NAALADL2: variants seen among roughly 807,000 people sequenced by gnomAD.
The protein encoded by NAALADL2 is inactive N-acetylated-alpha-linked acidic dipeptidase-like protein 2.
A neutral mutation model predicts 87.2 loss-of-function variants in NAALADL2; 76 were observed. The ratio of observed to expected loss-of-function variants is 0.87; its 90% CI spans 0.72 to 1.05. NAALADL2 has a LOEUF of 1.05. NAALADL2 is among the 50% of genes least tolerant of loss of function. The pLI is 0.00. For synonymous variants in NAALADL2, 354 were observed against 331.0 expected, an observed-to-expected ratio of 1.07 and a Z score of -0.75; for missense variants, 1,089 against 945.8, an observed-to-expected ratio of 1.15 and a Z score of -1.99.
chr3:175,491,139 CTT>C (rs921873470), intron 9 of NAALADL2, among the ~76,000 whole-genome samples: 2 of 140,844 alleles, frequency 1.4e-5, no homozygotes, highest in Admixed American at 7.2e-5. Flanking sequence ...ACATTTCTTT[CTT>C]TTTTTTTTTC....
At position 175,044,079 on chromosome 3, in the gene NAALADL2, C is replaced by A. The variant is rs183647517; in HGVS notation, c.44-52711C>A. 2.0e-3 allele frequency among the ~76,000 whole-genome samples: 298 copies of A among 151,896 alleles called. 1 individual carries two copies. The highest frequency in any genetic ancestry group is 3.4e-3 in the Non-Finnish European group (232 of 67,920). ...TCAATGTTTTATAGTTTTCATCATA[C>A]CTGTTTGGTTAAAATTATTCCTAAG... On this transcript the variant is annotated intron_variant, in intron 1 of 13. Coordinates refer to ENST00000454872, the MANE Select transcript of NAALADL2 (RefSeq NM_207015.3).
chr3:174,641,314 G>A (rs1723165612), intron 2 of NAALADL2, among the ~76,000 whole-genome samples: 1 of 152,186 alleles, frequency 6.6e-6, no homozygotes, highest in South Asian at 2.1e-4. Flanking sequence ...CGGAGGTTCA[G>A]CAGCTCCTGG....
intron 3 of NAALADL2, among the ~76,000 whole-genome samples, chr3:174,825,653 A>C (rs1167459052): frequency 6.6e-6 from 1 of 152,206 alleles, no homozygotes. Flanking sequence ...CATCACACCC[A>C]GTATGCCTTC....
intron 9 of NAALADL2, among the ~76,000 whole-genome samples, chr3:175,522,230 T>G (rs1732748300): frequency 6.6e-6 from 1 of 152,216 alleles, no homozygotes; most frequent in African/African-American, 2.4e-5. Flanking sequence ...TATATTGATT[T>G]ACTATTCTTC....
At chr3:175,108,035 G>C (rs759757000) in intron 2 of NAALADL2, among the ~76,000 whole-genome samples, 7 of 151,716 alleles carry the variant, frequency 4.6e-5, no homozygotes, top group Non-Finnish European at 8.8e-5. Flanking sequence ...TGCCTGATTT[G>C]GGAAATCAGT....
chr3:175,147,899 G>C (rs1291154112), intron 2 of NAALADL2, among the ~76,000 whole-genome samples: 1 of 151,636 alleles, frequency 6.6e-6, no homozygotes, highest in Non-Finnish European at 1.5e-5. Flanking sequence ...GTGAAACCTC[G>C]TCTCTTCTAA....
At chr3:174,720,664 C>T (rs1011099500) in intron 2 of NAALADL2, among the ~76,000 whole-genome samples, 3 of 152,026 alleles carry the variant, frequency 2.0e-5, no homozygotes, top group African/African-American at 4.8e-5. Flanking sequence ...AAAAAATTAT[C>T]GTTACAAAAG....
chr3:175,147,478 A>C (rs561649798), intron 2 of NAALADL2, among the ~76,000 whole-genome samples: 2 of 152,112 alleles, frequency 1.3e-5, no homozygotes, highest in South Asian at 4.1e-4. Context: ...CATTTTCTTC[A>C]TCCAGTCTAC....
At chr3:174,915,207 G>A (rs1734211648) in intron 1 of NAALADL2, among the ~76,000 whole-genome samples, 1 of 152,092 alleles carries the variant, frequency 6.6e-6, no homozygotes, top group Admixed American at 6.6e-5. Flanking sequence ...GTGTGGGTGG[G>A]GAGGTGCATT....
rs199928849 is a variant in NAALADL2, at chr3:175,667,235, G to GAAAT, written c.1896+39852_1896+39853insTAAA. On this transcript the variant is annotated intron_variant, in intron 11 of 13. Transcript: ENST00000454872. Reference sequence around the variant, plus strand: ...AGAAAGAAAGAAAGAAAGAAAGAAAGAAAGAAAAAGAAAGAAAGAAAGAAA... The same window carrying GAAAT: ...AGAAAGAAAGAAAGAAAGAAAGAAAGAAATAAAGAAAAAGAAAGAAAGAAAGAAA... 2.6e-3 allele frequency among the ~76,000 whole-genome samples: 298 copies of GAAAT among 112,642 alleles called. 7 individuals carry two copies. The highest frequency in any genetic ancestry group is 0.013 in the African/African-American group (290 of 22,544). The allele number at this position is 112,642 out of a possible 152,430, so 73.9% of individuals were successfully genotyped here.
rs369179902 is a variant in NAALADL2 at position 175,120,343 on chromosome 3, A to G, written c.545+23052A>G. On this transcript the variant is annotated intron_variant, in intron 2 of 13. Transcript: ENST00000454872. ...GCATTAAAAACATAGAAATCTATTA[A>G]AACAAATCCTCTAAAAGGTATGGAT... Among the ~76,000 whole-genome samples, 23 of 151,916 alleles carry G rather than the reference A, an allele frequency of 1.5e-4. No homozygotes were observed. The East Asian group carries it at 3.3e-3, about 22-fold the overall frequency.
intron 1 of NAALADL2, among the ~76,000 whole-genome samples, chr3:174,870,107 G>A (rs901127256): frequency 1.3e-5 from 2 of 151,740 alleles, no homozygotes; most frequent in South Asian, 4.2e-4. Flanking sequence ...GTGTGTAAGC[G>A]TGTGTGCGTG....
chr3:175,377,194 C>A lies in NAALADL2; in HGVS notation c.1090+52869C>A, dbSNP rs1049168709. On this transcript the variant is annotated intron_variant, in intron 5 of 13. Coordinates refer to ENST00000454872, the MANE Select transcript of NAALADL2 (RefSeq NM_207015.3). ...TGGGCCGGTGGTGCACACCTGTAAT[C>A]CCAGCTACTTGGGAGGCTAAGGCTC... Among the ~76,000 whole-genome samples the A allele has an allele frequency of 2.0e-5, 3 of 151,870 alleles. No individual in the cohort carries two copies. In the East Asian group the frequency reaches 5.8e-4, roughly 29 times the overall value.
chr3:175,630,145 TC>T, intron 11 of NAALADL2, among the ~76,000 whole-genome samples: 1 of 151,850 alleles, frequency 6.6e-6, no homozygotes, highest in South Asian at 2.1e-4. Flanking sequence ...CTTTACAAGA[TC>T]AGTCTTATTT....
At chr3:174,811,257 C>T (rs567252651) in intron 3 of NAALADL2, among the ~76,000 whole-genome samples, 1 of 152,250 alleles carries the variant, frequency 6.6e-6, no homozygotes, top group South Asian at 2.1e-4. Context: ...CCTCCAGACC[C>T]CAGAATGGTA....
At chr3:175,619,200 T>C (rs143460228) in intron 10 of NAALADL2, among the ~76,000 whole-genome samples, 36 of 133,338 alleles carry the variant, frequency 2.7e-4, no homozygotes, top group African/African-American at 9.7e-4. Flanking sequence ...CAGATTCTCC[T>C]CAGACAAAAA....
At chr3:175,247,262 G>T (rs1184505239) in intron 3 of NAALADL2, among the ~76,000 whole-genome samples, 1 of 81,958 alleles carries the variant, frequency 1.2e-5, no homozygotes, top group African/African-American at 4.1e-5. Context: ...AGCAAATTAT[G>T]TGTGTACACA....
At chr3:175,452,062 T>C (rs1433743492) in intron 6 of NAALADL2, among the ~76,000 whole-genome samples, 3 of 152,176 alleles carry the variant, frequency 2.0e-5, no homozygotes, top group Non-Finnish European at 2.9e-5. Flanking sequence ...ATGGTGCCTT[T>C]TAGCTTTTCA....
At chr3:174,989,147 C>A (rs1746372590) in intron 1 of NAALADL2, among the ~76,000 whole-genome samples, 1 of 152,186 alleles carries the variant, frequency 6.6e-6, no homozygotes, top group Non-Finnish European at 1.5e-5. Flanking sequence ...ACCGTGAGGA[C>A]AGCACCAAGC....
Sources: allele counts gnomAD v4.1 joint callset (sites outside exome capture counted in the v4.1 genomes callset), GRCh38; gene constraint gnomAD v4.1.1; transcripts MANE v1.5; gene names NCBI Gene and HGNC (gene_info 2026-07-23, HGNC 2026-07-21).